LAMB4: variants seen among roughly 807,000 people sequenced by gnomAD.
LAMB4 encodes the protein laminin subunit beta 4.
LAMB4 carries 196 observed loss-of-function variants against 199.2 expected under a neutral mutation model. That is an observed-to-expected ratio of 0.98 (90% CI 0.88 to 1.11). The LOEUF is 1.11. LAMB4 is among the 50% of genes least tolerant of loss of function. The pLI is 0.00. For synonymous variants in LAMB4, 744 were observed against 770.6 expected (o/e 0.97, Z 0.57); for missense variants, 2,080 against 2,171.2 (o/e 0.96, Z 0.83).
At chr7:108,047,065 C>T (rs2150517818) in intron 28 of LAMB4, among the ~76,000 whole-genome samples, 1 of 152,138 alleles carries the variant, frequency 6.6e-6, no homozygotes, top group East Asian at 1.9e-4. Context: ...CTACTCCTGG[C>T]CTGTTTCCAA....
At chr7:108,112,676 A>G (rs1222094394) in intron 3 of LAMB4, among the ~76,000 whole-genome samples, 1 of 152,160 alleles carries the variant, frequency 6.6e-6, no homozygotes, top group Non-Finnish European at 1.5e-5. Context: ...TTGCAGCTAT[A>G]CTTGAAACTC....
At chr7:108,033,069 C>T (rs2035097263) in intron 31 of LAMB4, among the ~76,000 whole-genome samples, 2 of 152,040 alleles carry the variant, frequency 1.3e-5, no homozygotes, top group South Asian at 4.2e-4. Flanking sequence ...GATTGGTTCA[C>T]CATATTTTTA....
intron 4 of LAMB4, among the ~76,000 whole-genome samples, chr7:108,111,515 CTTATTA>C (rs931683588): frequency 6.6e-6 from 1 of 152,242 alleles, no homozygotes; most frequent in Admixed American, 6.5e-5. Flanking sequence ...AAACTTTCTT[CTTATTA>C]TTATTTTTTT....
At position 108,078,184 on chromosome 7, in the gene LAMB4, A is replaced by G. The variant is rs758579271; in HGVS notation, c.2003+17T>C. 2 of 1,483,636 alleles carry G rather than the reference A, an allele frequency of 1.3e-6. No homozygotes were observed. The highest frequency in any genetic ancestry group is 1.2e-5 in the South Asian group (1 of 84,852). The allele number at this position is 1,483,636 out of a possible 1,614,324, so 91.9% of individuals were successfully genotyped here. ...TCTAAGAAGCTTTCAATGTTTGAGGACCGGTCTGAAACATACCTCGTAGCC... is the reference window on the plus strand; with the variant it reads ...TCTAAGAAGCTTTCAATGTTTGAGGGCCGGTCTGAAACATACCTCGTAGCC... On this transcript the variant is annotated intron_variant, in intron 16 of 33. Coordinates refer to ENST00000388781, the MANE Select transcript of LAMB4 (RefSeq NM_007356.3).
downstream of LAMB4, among the ~76,000 whole-genome samples, chr7:108,018,770 C>T (rs962897714): frequency 3.3e-5 from 5 of 152,160 alleles, no homozygotes; most frequent in African/African-American, 9.7e-5. Context: ...GTCACCCTCT[C>T]GCTTTACCCC....
chr7:108,104,588 G>A lies in LAMB4; in HGVS notation c.902C>T (p.Thr301Ile), dbSNP rs768429854. ...GCATCTCTCACAGTTCGGACCATCT[G>A]TATTGTGCTGACACACACACTGACC... The part of the protein sequence containing the change: ...VHGQCVCQHN[T>I]DGPNCERCKD... Residue 301 changes from threonine to isoleucine, a missense_variant, in exon 9 of 34, where the codon ACA becomes ATA. By Grantham distance (89) the Thr-to-Ile change is moderately conservative (BLOSUM62 -1). Coordinates refer to ENST00000388781, the MANE Select transcript of LAMB4 (RefSeq NM_007356.3). The A allele has an allele frequency of 1.1e-5, 17 of 1,614,052 alleles. No homozygotes were observed. The highest frequency in any genetic ancestry group is 2.2e-5 in the South Asian group (2 of 91,082).
Position 108,080,202 on chromosome 7 carries a change from A to G in LAMB4, c.1702-416T>C, listed in dbSNP as rs568356648. ...TGGGCATGACAATGAGAAAACCCAC[A>G]TGGATTTATTTTCTAGATACTTCTT... On this transcript the variant is annotated intron_variant, in intron 14 of 33. Coordinates refer to ENST00000388781, the MANE Select transcript of LAMB4 (RefSeq NM_007356.3). Among the ~76,000 whole-genome samples, 4 of 152,264 alleles carry G rather than the reference A, an allele frequency of 2.6e-5. No individual in the cohort carries two copies. The South Asian group carries it at 8.3e-4, about 32-fold the overall frequency.
At chr7:108,031,159 G>A (rs755736632) in intron 31 of LAMB4, among the ~76,000 whole-genome samples, 180 bp from the exon 32 acceptor site, 1 of 151,256 alleles carries the variant, frequency 6.6e-6, no homozygotes, top group Non-Finnish European at 1.5e-5. Context: ...ATACAAAAGG[G>A]TCTGAAAAAT....
Position 108,055,865 on chromosome 7 carries a change from T to C in LAMB4, c.3522A>G (p.Gln1174=), listed in dbSNP as rs763195825. 11 of 1,614,058 alleles carry C rather than the reference T, an allele frequency of 6.8e-6. No individual in the cohort carries two copies. The Admixed American group carries it at 1.2e-4, about 17-fold the overall frequency. Residue 1174 remains glutamine, a synonymous_variant, in exon 25 of 34, where the codon CAA becomes CAG. Transcript: ENST00000388781. ...GHSQEFPTCL[Q]CHLCFDQWDH... ...CCCACTGATCAAAGCACAAGTGACA[T>C]TGAAGACAAGTAGGGAATTCCTGGC...
At chr7:108,046,236 ATTTTTTT>A (rs559845089) in intron 28 of LAMB4, among the ~76,000 whole-genome samples, 10 of 132,850 alleles carry the variant, frequency 7.5e-5, no homozygotes, top group Admixed American at 6.1e-4. Flanking sequence ...TCCTGGCTAA[ATTTTTTT>A]TTTTTTTTTT....
intron 14 of LAMB4, among the ~76,000 whole-genome samples, chr7:108,088,458 C>G (rs2037273083): frequency 6.6e-6 from 1 of 152,188 alleles, no homozygotes; most frequent in Non-Finnish European, 1.5e-5. Flanking sequence ...GCCACCATGC[C>G]TGGCCTAACA....
At chr7:108,086,857 A>G (rs1309955218) in intron 14 of LAMB4, among the ~76,000 whole-genome samples, 1 of 152,174 alleles carries the variant, frequency 6.6e-6, no homozygotes, top group African/African-American at 2.4e-5. Context: ...CGGATGTGGT[A>G]TCTCCCAAGG....
intron 26 of LAMB4, 133 bp from the exon 27 acceptor site, chr7:108,049,664 T>C (rs1335611348): frequency 1.8e-6 from 1 of 548,892 alleles, no homozygotes; most frequent in African/African-American, 1.9e-5. Context: ...TTCAACATCT[T>C]CCTTGAATTT....
chr7:108,104,118 G>A (rs143458113), intron 9 of LAMB4, among the ~76,000 whole-genome samples: 2 of 152,064 alleles, frequency 1.3e-5, no homozygotes, highest in East Asian at 3.9e-4. Flanking sequence ...TGGGTTTAAG[G>A]TCACGTTCAT....
chr7:108,094,931 A>G (rs529195038), intron 12 of LAMB4, among the ~76,000 whole-genome samples: 1 of 152,282 alleles, frequency 6.6e-6, no homozygotes, highest in African/African-American at 2.4e-5. Flanking sequence ...ATGTGCTTCT[A>G]TTCTACTGCT....
chr7:108,124,343 A>G (rs896267143), intron 1 of LAMB4, among the ~76,000 whole-genome samples: 1 of 152,228 alleles, frequency 6.6e-6, no homozygotes, highest in Non-Finnish European at 1.5e-5. Flanking sequence ...CCTATTATAA[A>G]TATTTCTGCT....
At position 108,037,401 on chromosome 7, in the gene LAMB4, CCTTCACCAAAAGCT is replaced by C; in HGVS notation, c.4652_4665del (p.Lys1551SerfsTer5). The C allele has an allele frequency of 6.2e-7, 1 of 1,613,428 alleles. No homozygotes were observed. Among genetic ancestry groups the C allele is most frequent in the Middle Eastern group, 1.7e-4 (1 of 6,060 alleles). Reference sequence around the variant, plus strand: ...TACAGTACTTACTCAGCTGCTTTGGCCTTCACCAAAAGCTTTTGGGCTCCATCTGCTTCTTCATT... The same window carrying C: ...TACAGTACTTACTCAGCTGCTTTGGCTTTGGGCTCCATCTGCTTCTTCATT... On this transcript the variant is annotated frameshift_variant, in exon 30 of 34. Coordinates refer to ENST00000388781, the MANE Select transcript of LAMB4 (RefSeq NM_007356.3). LOFTEE classifies it high-confidence loss of function.
chr7:108,105,267 A>G (rs1433185201), intron 8 of LAMB4, among the ~76,000 whole-genome samples: 1 of 152,226 alleles, frequency 6.6e-6, no homozygotes, highest in South Asian at 2.1e-4. Flanking sequence ...GAGATCTGCC[A>G]TATTAAGACA....
chr7:108,072,332 C>G (rs1412647078), intron 17 of LAMB4, among the ~76,000 whole-genome samples: 1 of 152,114 alleles, frequency 6.6e-6, no homozygotes, highest in African/African-American at 2.4e-5. Context: ...GTATTCATGC[C>G]TGTACATGTA....
Sources: allele counts gnomAD v4.1 joint callset (sites outside exome capture counted in the v4.1 genomes callset), GRCh38; gene constraint gnomAD v4.1.1; transcripts MANE v1.5; gene names NCBI Gene and HGNC (gene_info 2026-07-23, HGNC 2026-07-21).